VAV1: variants seen among roughly 807,000 people sequenced by gnomAD.
The protein encoded by VAV1 is proto-oncogene vav.
In VAV1, 33 loss-of-function variants were observed where a neutral mutation model predicts 128.1. The observed-to-expected ratio is 0.26, with a 90% CI of 0.20 to 0.34. The LOEUF is 0.34. VAV1 is among the 10% of genes least tolerant of loss of function. The pLI is 1.00. For synonymous variants in VAV1, 394 were observed against 409.8 expected, an observed-to-expected ratio of 0.96 and a Z score of 0.47; for missense variants, 715 against 1,093.7, an observed-to-expected ratio of 0.65 and a Z score of 4.88.
chr19:6,774,584 A>G (rs1400593437), intron 1 of VAV1, among the ~76,000 whole-genome samples: 3 of 147,066 alleles, frequency 2.0e-5, no homozygotes, highest in East Asian at 2.1e-4. Flanking sequence ...ACAGGCGCCC[A>G]CCACCACACC....
At position 6,833,167 on chromosome 19, in the gene VAV1, T is replaced by C. The variant is rs752833866; in HGVS notation, c.1509-17T>C. On this transcript the variant is annotated splice_polypyrimidine_tract_variant and intron_variant, in intron 15 of 26. Transcript: ENST00000602142. ...ACTGACCTTCTTTTTTTTTTTTTTT[T>C]AATTTTCCCCTGCCAGCTCCAACAT... 13 of 1,563,854 alleles carry C rather than the reference T, an allele frequency of 8.3e-6. No individual in the cohort carries two copies. The highest frequency in any genetic ancestry group is 8.6e-6 in the Non-Finnish European group (10 of 1,157,220).
At chr19:6,776,503 T>G (rs1022677918) in intron 1 of VAV1, among the ~76,000 whole-genome samples, 3 of 137,610 alleles carry the variant, frequency 2.2e-5, no homozygotes, top group African/African-American at 5.6e-5. Context: ...CATCCACTCA[T>G]CTATCCATCC....
rs369298193 is a variant in VAV1 at position 6,799,316 on chromosome 19, C to T, written c.205-21386C>T. On this transcript the variant is annotated intron_variant, in intron 1 of 26. Coordinates refer to ENST00000602142, the MANE Select transcript of VAV1 (RefSeq NM_005428.4). ...TCGAACAGCTGGGACTACAGGTGTG[C>T]GCCACCACGCCTGGCTAATTTTTTT... Among the ~76,000 whole-genome samples, 29 of 152,140 alleles carry T rather than the reference C, an allele frequency of 1.9e-4. No homozygotes were observed. The East Asian group carries it at 2.5e-3, about 13-fold the overall frequency.
At chr19:6,825,266 G>A in intron 7 of VAV1, 37 bp from the exon 8 acceptor site, 1 of 1,597,020 alleles carries the variant, frequency 6.3e-7, no homozygotes, top group Non-Finnish European at 8.6e-7. Context: ...CTGAGCCCTG[G>A]GCTCTGGTCC....
chr19:6,792,774 C>T (rs560793093), intron 1 of VAV1, among the ~76,000 whole-genome samples: 156 of 152,070 alleles, frequency 1.0e-3, no homozygotes, highest in African/African-American at 3.7e-3. Context: ...TGACTCTGTC[C>T]TCCCAGGGGA....
chr19:6,810,517 T>A (rs1599644038), intron 1 of VAV1, among the ~76,000 whole-genome samples: 1 of 151,686 alleles, frequency 6.6e-6, no homozygotes, highest in East Asian at 1.9e-4. Context: ...CAGCCTGGCC[T>A]ACATGGTGAA....
chr19:6,837,291 A>C (rs894600828), intron 21 of VAV1, among the ~76,000 whole-genome samples: 2 of 152,136 alleles, frequency 1.3e-5, no homozygotes, highest in African/African-American at 4.8e-5. Context: ...TCCTTCCTAC[A>C]TGGGTATGGT....
chr19:6,785,000 C>T (rs927701674), intron 1 of VAV1, among the ~76,000 whole-genome samples: 2 of 152,206 alleles, frequency 1.3e-5, no homozygotes, highest in African/African-American at 4.8e-5. Context: ...ATCTCTCAGC[C>T]CTTCCCTGCT....
At chr19:6,776,186 A>AC (rs1970621847) in intron 1 of VAV1, among the ~76,000 whole-genome samples, 1 of 147,272 alleles carries the variant, frequency 6.8e-6, no homozygotes, top group African/African-American at 2.6e-5. Flanking sequence ...CCATCCATCC[A>AC]TCCATCCACT....
In VAV1 at chr19:6,847,979, C is replaced by T. The variant is rs1279083315; in HGVS notation, c.2013-19C>T. ...GGCACGGGGACCGTGCCACCTCTGT[C>T]CTTGGTGTCTCTTTGCAGGTACGCA... On this transcript the variant is annotated intron_variant, in intron 22 of 26. Transcript: ENST00000602142. 1.3e-6 allele frequency: 2 copies of T among 1,487,266 alleles called. No homozygotes were observed. The highest frequency in any genetic ancestry group is 1.8e-6 in the Non-Finnish European group (2 of 1,122,950). The allele number at this position is 1,487,266 out of a possible 1,614,324, so 92.1% of individuals were successfully genotyped here.
intron 1 of VAV1, among the ~76,000 whole-genome samples, chr19:6,796,543 T>G (rs1185207226): frequency 1.3e-5 from 2 of 152,158 alleles, no homozygotes; most frequent in Non-Finnish European, 2.9e-5. Context: ...TGAAATGCTT[T>G]TTTCTCAGAG....
intron 1 of VAV1, among the ~76,000 whole-genome samples, chr19:6,787,276 A>G (rs940644862): frequency 4.6e-5 from 7 of 151,942 alleles, no homozygotes; most frequent in Admixed American, 1.3e-4. Context: ...CTTGGCCTCC[A>G]GTGATCTTCC....
At chr19:6,788,012 G>A (rs1433132470) in intron 1 of VAV1, among the ~76,000 whole-genome samples, 2 of 152,036 alleles carry the variant, frequency 1.3e-5, no homozygotes, top group Non-Finnish European at 2.9e-5. Flanking sequence ...GGGAGGTGGA[G>A]CTGGCAGTGA....
chr19:6,821,274 G>A (rs896210367), intron 2 of VAV1, among the ~76,000 whole-genome samples: 5 of 151,964 alleles, frequency 3.3e-5, no homozygotes, highest in East Asian at 1.9e-4. Context: ...GGTGGCCGGC[G>A]CCTGTAGTCC....
chr19:6,847,062 C>T (rs1167730969), intron 22 of VAV1, among the ~76,000 whole-genome samples: 2 of 151,624 alleles, frequency 1.3e-5, no homozygotes, highest in Non-Finnish European at 2.9e-5. Flanking sequence ...TACAGGCGCC[C>T]GCCATCAAGC....
chr19:6,773,159 G>GCCCAGAATC (rs1970540532), intron 1 of VAV1, 148 bp downstream of exon 1: 1 of 1,103,538 alleles, frequency 9.1e-7, no homozygotes, highest in Non-Finnish European at 1.3e-6. Flanking sequence ...CCAGGGGGTG[G>GCCCAGAATC]TCACAATCTG....
rs2144793959 is a variant in VAV1, at chr19:6,833,514, T to C, written c.1611-14T>C. 1 of 1,586,748 alleles carries C rather than the reference T, an allele frequency of 6.3e-7. No homozygotes were observed. The highest frequency in any genetic ancestry group is 1.1e-5 in the South Asian group (1 of 87,390). ...AGGTCACTCGCTCTTCTTTATGTGT[T>C]CCCTGCATCTCAGAGGTACCTTCTA... On this transcript the variant is annotated splice_polypyrimidine_tract_variant and intron_variant, in intron 16 of 26. Transcript: ENST00000602142.
chr19:6,795,267 T>G (rs77092098), intron 1 of VAV1, among the ~76,000 whole-genome samples: 1 of 152,124 alleles, frequency 6.6e-6, no homozygotes, highest in East Asian at 1.9e-4. Context: ...GTTGTCTTCC[T>G]GGCAGCGCAA....
intron 1 of VAV1, among the ~76,000 whole-genome samples, chr19:6,808,005 A>G (rs867222217): frequency 9.3e-5 from 14 of 149,936 alleles, no homozygotes; most frequent in East Asian, 7.8e-4. Flanking sequence ...AAAAAAAAAA[A>G]AAAGAAAAGA....
Sources: gnomAD v4.1 joint callset for allele counts (sites outside exome capture counted in the v4.1 genomes callset) on GRCh38, gnomAD v4.1.1 for gene constraint, MANE v1.5 for transcripts, NCBI Gene and HGNC (gene_info 2026-07-23, HGNC 2026-07-21) for gene names.